The following PELI2 variants were observed in gnomAD, a reference collection of about 807,000 sequenced individuals.
PELI2 encodes the protein E3 ubiquitin-protein ligase pellino homolog 2.
In PELI2, 23 loss-of-function variants were observed where a neutral mutation model predicts 42.3. The observed-to-expected ratio is 0.54, with a 90% CI of 0.39 to 0.77. The LOEUF is 0.77. PELI2 is among the 30% of genes least tolerant of loss of function. PELI2 has a pLI of 0.00. For synonymous variants in PELI2, 245 were observed against 212.2 expected (o/e 1.15, Z -1.34); for missense variants, 463 against 553.2 (o/e 0.84, Z 1.64).
intron 3 of PELI2, among the ~76,000 whole-genome samples, chr14:56,281,953 G>T (rs1287317791): frequency 6.6e-6 from 1 of 152,064 alleles, no homozygotes; most frequent in African/African-American, 2.4e-5. Flanking sequence ...CTATAAATTG[G>T]TATAGCATTT....
At chr14:56,189,215 A>G (rs1307249491) in intron 2 of PELI2, among the ~76,000 whole-genome samples, 1 of 152,230 alleles carries the variant, frequency 6.6e-6, no homozygotes, top group East Asian at 1.9e-4. Context: ...AGGTTATTGT[A>G]CAGTAACAAC....
intron 3 of PELI2, among the ~76,000 whole-genome samples, chr14:56,286,522 C>G (rs1388838134): frequency 6.6e-6 from 1 of 152,176 alleles, no homozygotes; most frequent in Non-Finnish European, 1.5e-5. Flanking sequence ...AGTTATATGA[C>G]TACCGGCATT....
At chr14:56,212,730 T>C (rs1886754712) in intron 2 of PELI2, among the ~76,000 whole-genome samples, 1 of 152,222 alleles carries the variant, frequency 6.6e-6, no homozygotes, top group South Asian at 2.1e-4. Flanking sequence ...TCTTCATAAC[T>C]CTTCAGTCTT....
chr14:56,203,157 T>C (rs1470814735), intron 2 of PELI2, among the ~76,000 whole-genome samples: 1 of 152,150 alleles, frequency 6.6e-6, no homozygotes, highest in Non-Finnish European at 1.5e-5. Flanking sequence ...GCCAACATGC[T>C]GAAATCCTGT....
At chr14:56,158,893 C>T (rs1884660615) in intron 1 of PELI2, among the ~76,000 whole-genome samples, 1 of 152,096 alleles carries the variant, frequency 6.6e-6, no homozygotes, top group South Asian at 2.1e-4. Flanking sequence ...TTTAATATTA[C>T]CATCTGTCTT....
intron 2 of PELI2, among the ~76,000 whole-genome samples, chr14:56,211,006 T>G (rs894282212): frequency 6.6e-6 from 1 of 152,320 alleles, no homozygotes; most frequent in East Asian, 1.9e-4. Context: ...CCAAGAGCAT[T>G]TGGGTGCAGC....
rs180728077 is a variant in PELI2 at position 56,162,160 on chromosome 14, A to C, written c.78-16175A>C. Reference sequence around the variant, plus strand: ...GTAAATTATTTTAAAATGTACAACTAAGTTATTATTGACTGTAGCCACCTT... The same window carrying C: ...GTAAATTATTTTAAAATGTACAACTCAGTTATTATTGACTGTAGCCACCTT... On this transcript the variant is annotated intron_variant, in intron 1 of 5. Coordinates refer to ENST00000267460, the MANE Select transcript of PELI2 (RefSeq NM_021255.3). 5.3e-5 allele frequency among the ~76,000 whole-genome samples: 8 copies of C among 152,318 alleles called. No homozygotes were observed. In the East Asian group the frequency reaches 1.5e-3, roughly 29 times the overall value.
rs185425356 is a variant in PELI2 at position 56,119,734 on chromosome 14, G to A, written c.77+997G>A. The A allele has an allele frequency of 7.8e-5, 76 of 968,714 alleles. No individual in the cohort carries two copies. The East Asian group carries it at 7.0e-3, about 89-fold the overall frequency. The allele number at this position is 968,714 out of a possible 1,614,324, so 60.0% of individuals were successfully genotyped here. On this transcript the variant is annotated intron_variant, in intron 1 of 5. Coordinates refer to ENST00000267460, the MANE Select transcript of PELI2 (RefSeq NM_021255.3). ...AGGGGGAAGTGCAGGAAACTGGGGG[G>A]AAGGAACAACTTGGGTTTAGTGTTG...
chr14:56,166,810 C>T (rs867160855), intron 1 of PELI2, among the ~76,000 whole-genome samples: 8 of 151,696 alleles, frequency 5.3e-5, no homozygotes, highest in East Asian at 1.9e-4. Context: ...TTTCTTGAGA[C>T]GGAGTCTCGC....
At position 56,197,216 on chromosome 14, in the gene PELI2, A is replaced by T. The variant is rs887021520; in HGVS notation, c.207+18752A>T. Among the ~76,000 whole-genome samples, 3 of 152,234 alleles carry T rather than the reference A, an allele frequency of 2.0e-5. No homozygotes were observed. Among genetic ancestry groups the T allele is most frequent in the Admixed American group, 1.3e-4 (2 of 15,288 alleles). On this transcript the variant is annotated intron_variant, in intron 2 of 5. Transcript: ENST00000267460. This position sits in a 1 kb window ranked among gnomAD's most constrained non-coding sequence, Gnocchi z 4.9. ...TATATAATATTCATTGGTGCTCAGC[A>T]CTGTCAAGGAAACAAACAGTGGAGA...
chr14:56,220,742 A>G (rs1193334174), intron 2 of PELI2, among the ~76,000 whole-genome samples: 1 of 152,220 alleles, frequency 6.6e-6, no homozygotes, highest in Non-Finnish European at 1.5e-5. Context: ...CAATGGTTAG[A>G]GAACCACCAC....
chr14:56,248,340 C>T (rs1888230271), intron 2 of PELI2, among the ~76,000 whole-genome samples: 1 of 151,964 alleles, frequency 6.6e-6, no homozygotes, highest in Non-Finnish European at 1.5e-5. Flanking sequence ...AGATCAAGGA[C>T]TCTGAAGTGA....
At chr14:56,214,984 G>A (rs1219504982) in intron 2 of PELI2, among the ~76,000 whole-genome samples, 1 of 152,122 alleles carries the variant, frequency 6.6e-6, no homozygotes, top group Non-Finnish European at 1.5e-5. Flanking sequence ...TTTTAATTTA[G>A]ATATTATGGG....
chr14:56,167,881 G>T (rs887764327), intron 1 of PELI2, among the ~76,000 whole-genome samples: 2 of 152,160 alleles, frequency 1.3e-5, no homozygotes, highest in Admixed American at 6.5e-5. Flanking sequence ...CGGCTTTAGG[G>T]GGCACTTCAG....
intron 2 of PELI2, among the ~76,000 whole-genome samples, chr14:56,245,773 A>C (rs190240072): frequency 7.1e-4 from 108 of 151,294 alleles, no homozygotes; most frequent in African/African-American, 2.1e-3. Context: ...AACAAAAAAT[A>C]ATACAAATTT....
chr14:56,154,464 T>A (rs994046397), intron 1 of PELI2, among the ~76,000 whole-genome samples: 12 of 152,260 alleles, frequency 7.9e-5, no homozygotes, highest in African/African-American at 2.9e-4. Context: ...GATCTGTTGG[T>A]TTTATAAGTG....
intron 2 of PELI2, among the ~76,000 whole-genome samples, chr14:56,224,666 A>C (rs868116775): frequency 1.3e-5 from 2 of 152,236 alleles, no homozygotes; most frequent in South Asian, 4.1e-4. Flanking sequence ...AAAGCAAATC[A>C]GAATTTAATA....
intron 2 of PELI2, among the ~76,000 whole-genome samples, chr14:56,215,197 A>G (rs940941336): frequency 1.3e-5 from 2 of 152,178 alleles, no homozygotes; most frequent in African/African-American, 4.8e-5. Flanking sequence ...AGCAATTGAA[A>G]CTTCTCTTTC....
Position 56,300,431 on chromosome 14 carries a change from A to G in PELI2, c.*3265A>G, listed in dbSNP as rs181418245. On this transcript the variant is annotated 3_prime_UTR_variant, in exon 6 of 6. Transcript: ENST00000267460. ...AAACTTGAGGAGAACTCTTTAGTTC[A>G]TAAAGCTTCAATGTCTTTTTTTTTT... 1.4e-4 allele frequency: 22 copies of G among 152,442 alleles called. No homozygotes were observed. The East Asian group carries it at 4.0e-3, about 28-fold the overall frequency. 9.4% of individuals were successfully genotyped at this position (152,442 alleles called of 1,614,324 possible).
Sources: allele counts gnomAD v4.1 joint callset (sites outside exome capture counted in the v4.1 genomes callset), GRCh38; gene constraint gnomAD v4.1.1; non-coding constraint Gnocchi (gnomAD v3.1); transcripts MANE v1.5; gene names NCBI Gene and HGNC (gene_info 2026-07-23, HGNC 2026-07-21).